The following HMCN2 variants were observed in gnomAD, a reference collection of about 807,000 sequenced individuals.
HMCN2 encodes the protein hemicentin 2, also known as hemicentin-2.
A neutral mutation model predicts 377.5 loss-of-function variants in HMCN2; 325 were observed. The ratio of observed to expected loss-of-function variants is 0.86; its 90% confidence interval spans 0.79 to 0.94. The LOEUF is 0.94. HMCN2 is among the 40% of genes least tolerant of loss of function. HMCN2 has a pLI of 0.00. For missense variants in HMCN2, 4,543 were observed against 4,725.3 expected, an observed-to-expected ratio of 0.96 and a Z score of 1.13; for synonymous variants, 2,007 against 2,046.8, an observed-to-expected ratio of 0.98 and a Z score of 0.53.
Position 130,382,279 on chromosome 9 carries a change from T to G in HMCN2, c.8527T>G (p.Tyr2843Asp). The change falls in exon 55 of 98, where the codon TAC becomes GAC. Residue 2843 changes from tyrosine (Y) to aspartate (D), a missense_variant. Transcript: ENST00000683500. ...CGAGGTGGGCGAGGACTGGCTGCAC[T>G]ACGAGCTGCTGGTGCTGAGTGAGTG... ...SNEVGEDWLH[Y>D]ELLVLTPPVI... is the part of the protein sequence containing the mutation. The G allele has an allele frequency of 1.0e-6, 1 of 985,748 alleles. No homozygotes were observed. 61.1% of individuals were successfully genotyped at this position (985,748 alleles called of 1,614,324 possible).
At chr9:130,362,605 A>G (rs1264603764) in intron 39 of HMCN2, among the ~76,000 whole-genome samples, 2 of 152,230 alleles carry the variant, frequency 1.3e-5, no homozygotes, top group East Asian at 3.8e-4. Context: ...CCACATTTCA[A>G]GGGCTCACTG....
At chr9:130,377,499 T>C (rs75515794) in intron 52 of HMCN2, 150 bp from the exon 53 acceptor site, 280 of 234,960 alleles carry the variant, frequency 1.2e-3, no homozygotes, top group African/African-American at 6.2e-3. Flanking sequence ...TTAGGCTCTA[T>C]GGATTTGGTT....
chr9:130,433,749 A>T lies in HMCN2; in HGVS notation c.*56A>T. 1 of 1,328,592 alleles carries T rather than the reference A, an allele frequency of 7.5e-7. No homozygotes were observed. Among genetic ancestry groups the T allele is most frequent in the South Asian group, 1.6e-5 (1 of 60,718 alleles). The allele number at this position is 1,328,592 out of a possible 1,614,324, so 82.3% of individuals were successfully genotyped here. On this transcript the variant is annotated 3_prime_UTR_variant, in exon 98 of 98. Coordinates refer to ENST00000683500, the MANE Select transcript of HMCN2 (RefSeq NM_001291815.2). ...GTGACCCCCGAGGAAGGGGTCGAGG[A>T]GAAGCTTGGTCCACGCCACCTGCTG...
intron 21 of HMCN2, 60 bp from the exon 22 acceptor site, chr9:130,327,250 G>T (rs952469679): frequency 3.3e-5 from 5 of 152,368 alleles, no homozygotes; most frequent in African/African-American, 1.2e-4. Flanking sequence ...ATGGCCCAGG[G>T]CGCTCATGGA....
Position 130,424,890 on chromosome 9 carries a change from A to G in HMCN2, c.13496A>G (p.Glu4499Gly), listed in dbSNP as rs1844236406. 6.8e-7 allele frequency: 1 copy of G among 1,459,928 alleles called. No homozygotes were observed. The highest frequency in any genetic ancestry group is 9.1e-7 in the Non-Finnish European group (1 of 1,100,586). The allele number at this position is 1,459,928 out of a possible 1,614,324, so 90.4% of individuals were successfully genotyped here. The change falls in exon 88 of 98, where the codon GAG becomes GGG. Residue 4499 changes from glutamate to glycine, a missense_variant. Physicochemically the swap from Glu to Gly is moderately conservative, Grantham distance 98. Coordinates refer to ENST00000683500, the MANE Select transcript of HMCN2 (RefSeq NM_001291815.2). ...HSLTGGRFRQ[E>G]SHVEFATGEL... ...CTGACTGGGGGCAGGTTCCGGCAGG[A>G]GTCACACGTGGAGTTTGCTACAGGT...
At chr9:130,371,278 G>A (rs1841004695) in intron 46 of HMCN2, 147 bp downstream of exon 46, 1 of 302,566 alleles carries the variant, frequency 3.3e-6, no homozygotes, top group Non-Finnish European at 4.9e-6. Flanking sequence ...AAAGAATGCA[G>A]CCCAAAACAC....
At chr9:130,417,468 G>A (rs1422638549) in intron 85 of HMCN2, among the ~76,000 whole-genome samples, 4 of 146,028 alleles carry the variant, frequency 2.7e-5, no homozygotes, top group African/African-American at 1.0e-4. Flanking sequence ...GTTGCAGTGA[G>A]CTGAGATCGT....
intron 22 of HMCN2, among the ~76,000 whole-genome samples, chr9:130,328,377 G>T (rs910369426): frequency 6.6e-6 from 1 of 152,212 alleles, no homozygotes; most frequent in Non-Finnish European, 1.5e-5. Flanking sequence ...CTAGCTCCGC[G>T]GCTGGGTGGT....
chr9:130,393,315 G>A lies in HMCN2; in HGVS notation c.10234+6G>A. ...CTTCACCTTGCAGGTGCAGGGTATG[G>A]AGCAGGGGGTGGGGCAAGGGGGTCT... On this transcript the variant is annotated splice_donor_region_variant and intron_variant, in intron 67 of 97. Coordinates refer to ENST00000683500, the MANE Select transcript of HMCN2 (RefSeq NM_001291815.2). The surrounding 1 kb of genome is among the most constrained non-coding windows in gnomAD (Gnocchi z 5.2). 1.2e-5 allele frequency: 12 copies of A among 990,572 alleles called. No individual in the cohort carries two copies. Among genetic ancestry groups the A allele is most frequent in the South Asian group, 4.6e-5 (1 of 21,544 alleles). The allele number at this position is 990,572 out of a possible 1,614,324, so 61.4% of individuals were successfully genotyped here. A position where few individuals can be genotyped will look rare whatever the true frequency, so the allele number is the denominator to read the frequency against.
intron 59 of HMCN2, among the ~76,000 whole-genome samples, 164 bp downstream of exon 59, chr9:130,384,962 C>T (rs533981501): frequency 3.3e-5 from 5 of 152,220 alleles, no homozygotes; most frequent in Admixed American, 2.0e-4. Context: ...TGGGACGGGC[C>T]CCAGGAGCCT....
rs1836632183 is a variant in HMCN2 at position 130,303,426 on chromosome 9, G to A, written c.1422-61G>A. The A allele has an allele frequency of 1.6e-5, 6 of 365,274 alleles. No homozygotes were observed. Among genetic ancestry groups the A allele is most frequent in the East Asian group, 9.5e-5 (1 of 10,524 alleles). The allele number at this position is 365,274 out of a possible 1,614,324, so 22.6% of individuals were successfully genotyped here. ...GGGCAGGATTCAGGGGACTGAAGTC[G>A]GGGGGGACCCTGAGTGGGGGTCAGT... On this transcript the variant is annotated intron_variant, in intron 9 of 97. Coordinates refer to ENST00000683500, the MANE Select transcript of HMCN2 (RefSeq NM_001291815.2). The surrounding 1 kb of genome is among the most constrained non-coding windows in gnomAD (Gnocchi z 5.2).
intron 83 of HMCN2, 23 bp downstream of exon 83, chr9:130,407,728 C>G: frequency 8.4e-7 from 1 of 1,187,204 alleles, no homozygotes; most frequent in South Asian, 1.5e-5. Flanking sequence ...CCCCAGGTGG[C>G]TTCTCTCTCA....
intron 1 of HMCN2, among the ~76,000 whole-genome samples, chr9:130,277,751 CCATCAT>C (rs782303621): frequency 7.9e-6 from 1 of 127,182 alleles, no homozygotes; most frequent in Non-Finnish European, 1.7e-5. Context: ...ACCACCACCA[CCATCAT>C]CATCATCACC....
chr9:130,328,486 G>C (rs1838263623), intron 22 of HMCN2, among the ~76,000 whole-genome samples: 1 of 152,216 alleles, frequency 6.6e-6, no homozygotes, highest in Admixed American at 6.5e-5. Context: ...TGCGTTAATA[G>C]GTCAGCTGGG....
chr9:130,333,920 G>T (rs1176532776), intron 22 of HMCN2, among the ~76,000 whole-genome samples: 1 of 152,132 alleles, frequency 6.6e-6, no homozygotes, highest in Non-Finnish European at 1.5e-5. Flanking sequence ...AAATAAGACG[G>T]ATGTCCCCTT....
Position 130,356,220 on chromosome 9 carries a change from G to A in HMCN2, c.5388G>A (p.Ala1796=), listed in dbSNP as rs1399365025. The A allele has an allele frequency of 6.9e-6, 9 of 1,302,440 alleles. No homozygotes were observed. Among genetic ancestry groups the A allele is most frequent in the South Asian group, 6.2e-5 (5 of 80,908 alleles). 80.7% of individuals were successfully genotyped at this position (1,302,440 alleles called of 1,614,324 possible). A position where few individuals can be genotyped will look rare whatever the true frequency, so the allele number is the denominator to read the frequency against. ...GLFACQATNE[A]GTAGAEVEVS... ...TCGCCTGCCAGGCCACCAATGAGGC[G>A]GGCACTGCCGGGGCCGAGGTGGAGG... Residue 1796 remains alanine (A), a synonymous_variant, in exon 34 of 98, where the codon GCG becomes GCA. Coordinates refer to ENST00000683500, the MANE Select transcript of HMCN2 (RefSeq NM_001291815.2).
At chr9:130,306,324 C>T in intron 12 of HMCN2, 54 bp downstream of exon 12, 1 of 464,110 alleles carries the variant, frequency 2.2e-6, no homozygotes, top group South Asian at 1.6e-5. Flanking sequence ...GACAGGACTC[C>T]CAGGGGACCT....
At chr9:130,395,384 G>A (rs1842561063) in intron 71 of HMCN2, 37 bp downstream of exon 71, 1 of 1,264,500 alleles carries the variant, frequency 7.9e-7, no homozygotes, top group Non-Finnish European at 1.0e-6. Flanking sequence ...GCTGCCTTCT[G>A]TCCCGCTCAG....
At chr9:130,420,003 A>C (rs1351026218) in intron 86 of HMCN2, among the ~76,000 whole-genome samples, 1 of 151,266 alleles carries the variant, frequency 6.6e-6, no homozygotes, top group African/African-American at 2.4e-5. Flanking sequence ...CCAGAGATGC[A>C]GTCTCAGAGT....
Sources: gnomAD v4.1 joint callset for allele counts (sites outside exome capture counted in the v4.1 genomes callset) on GRCh38, gnomAD v4.1.1 for gene constraint, Gnocchi (gnomAD v3.1) non-coding constraint, MANE v1.5 for transcripts, NCBI Gene and HGNC (gene_info 2026-07-23, HGNC 2026-07-21) for gene names.